SHROOM2: variants seen among roughly 807,000 people sequenced by gnomAD.
SHROOM2 encodes shroom family member 2, also known as protein Shroom2.
A neutral mutation model predicts 75.9 loss-of-function variants in SHROOM2; 33 were observed. That is an observed-to-expected ratio of 0.43 (90% CI 0.33 to 0.58). The LOEUF (loss-of-function observed/expected upper bound fraction) is 0.58, where lower values mean the gene tolerates loss of function less well. Among genes scored for constraint, SHROOM2 ranks in the 20% least tolerant of loss-of-function variants. The probability of loss-of-function intolerance (pLI) is 0.04; values close to 1 mark genes in which losing one functional copy is unlikely to be tolerated. For synonymous variants in SHROOM2, 655 were observed against 663.6 expected (o/e 0.99, Z 0.20); for missense variants, 1,434 against 1,461.2 (o/e 0.98, Z 0.30).
In SHROOM2 at chrX:9,944,928, G is replaced by A. The variant is rs775130789; in HGVS notation, c.4584+15G>A. 2.1e-5 allele frequency: 25 copies of A among 1,178,383 alleles called. No individual in the cohort carries two copies. The East Asian group carries it at 3.1e-4, about 15-fold the overall frequency. On this transcript the variant is annotated intron_variant, in intron 9 of 9. Transcript: ENST00000380913. Reference sequence around the variant, plus strand: ...CCGGTGATCGGGTAAATGCAGATACGTCTGACTTGGAAATGGGGGGTGGTC... The same window carrying A: ...CCGGTGATCGGGTAAATGCAGATACATCTGACTTGGAAATGGGGGGTGGTC...
At chrX:9,890,831 C>T (rs947747477) in intron 2 of SHROOM2, 146 bp from the exon 3 acceptor site, 11 of 529,436 alleles carry the variant, frequency 2.1e-5, no homozygotes, top group African/African-American at 1.2e-4. Flanking sequence ...AGCGCACGTG[C>T]GCTGTGTGCG....
intron 1 of SHROOM2, among the ~76,000 whole-genome samples, chrX:9,827,607 A>G (rs1433960797): frequency 1.8e-5 from 2 of 109,244 alleles, no homozygotes; most frequent in Non-Finnish European, 3.8e-5. Flanking sequence ...CAGGAAGGGA[A>G]AAGGTGTAGT....
chrX:9,939,691 A>T lies in SHROOM2; in HGVS notation c.4311+325A>T, dbSNP rs1225093610. Reference sequence around the variant, plus strand: ...GGTCTTGCTCTGTCGTGCAGGCTTGAGTGCAATGGTGCAATCATGGCCCAC... The same window carrying T: ...GGTCTTGCTCTGTCGTGCAGGCTTGTGTGCAATGGTGCAATCATGGCCCAC... On this transcript the variant is annotated intron_variant, in intron 8 of 9. Transcript: ENST00000380913. 3.6e-5 allele frequency among the ~76,000 whole-genome samples: 4 copies of T among 112,019 alleles called. No homozygotes were observed. The East Asian group carries it at 8.3e-4, about 23-fold the overall frequency.
chrX:9,940,040 A>T (rs1223987160), intron 8 of SHROOM2, among the ~76,000 whole-genome samples: 4 of 112,214 alleles, frequency 3.6e-5, no homozygotes, highest in Non-Finnish European at 7.5e-5. Context: ...GCAGCCTCCC[A>T]AAGTGCTGGG....
rs771965558 is a variant in SHROOM2, at chrX:9,854,073, A to G, written c.166-19579A>G. Among the ~76,000 whole-genome samples, 6 of 112,717 alleles carry G rather than the reference A, an allele frequency of 5.3e-5. No individual in the cohort carries two copies. The South Asian group carries it at 1.1e-3, about 20-fold the overall frequency. On this transcript the variant is annotated intron_variant, in intron 1 of 9. Coordinates refer to ENST00000380913, the MANE Select transcript of SHROOM2 (RefSeq NM_001649.4). ...GGATGTGGGTATTATGCTGCAAATC[A>G]CAAAGGACAGTTTCACTTTTTAACC...
At chrX:9,822,899 G>C (rs989568372) in intron 1 of SHROOM2, among the ~76,000 whole-genome samples, 4 of 111,928 alleles carry the variant, frequency 3.6e-5, no homozygotes, top group African/African-American at 1.3e-4. Context: ...ACTGGCAGCG[G>C]GGGTCTTCAA....
intron 6 of SHROOM2, among the ~76,000 whole-genome samples, chrX:9,933,887 C>A (rs2084674443): frequency 8.9e-6 from 1 of 112,309 alleles, no homozygotes; most frequent in African/African-American, 3.2e-5. Context: ...TTCTCTGGAG[C>A]AGTGGCTCTC....
Position 9,894,748 on chromosome X carries a change from C to T in SHROOM2, c.840C>T (p.Pro280=), listed in dbSNP as rs1378133350. 8.3e-7 allele frequency: 1 copy of T among 1,210,225 alleles called. No homozygotes were observed. The highest frequency in any genetic ancestry group is 1.7e-5 in the African/African-American group (1 of 57,482). Residue 280 remains proline (P), a synonymous_variant, in exon 4 of 10, where the codon CCC becomes CCT. Transcript: ENST00000380913. ...TCCCCGGTGACAGCGGCAAAGGCCC[C>T]AGGCCAGAGTACAATGCCGAGCCCA... ...PRVPGDSGKG[P]RPEYNAEPKL...
intron 1 of SHROOM2, among the ~76,000 whole-genome samples, chrX:9,820,565 A>G: frequency 9.0e-6 from 1 of 111,349 alleles, no homozygotes; most frequent in Admixed American, 9.5e-5. Flanking sequence ...AGTTCTCACC[A>G]TGTTGCCCAG....
At chrX:9,812,837 A>C (rs1460820725) in intron 1 of SHROOM2, among the ~76,000 whole-genome samples, 2 of 112,405 alleles carry the variant, frequency 1.8e-5, no homozygotes, top group Admixed American at 1.9e-4. Context: ...GGCCTTGTGG[A>C]CAGGAATGGA....
At chrX:9,849,452 G>C (rs762633255) in intron 1 of SHROOM2, among the ~76,000 whole-genome samples, 2 of 112,031 alleles carry the variant, frequency 1.8e-5, no homozygotes, top group African/African-American at 6.5e-5. Context: ...GCTTCCCTAT[G>C]GGGGTGCTGG....
chrX:9,937,696 G>A lies in SHROOM2; in HGVS notation c.4139+11G>A, dbSNP rs369243765. 457 of 1,148,474 alleles carry A rather than the reference G, an allele frequency of 4.0e-4. 3 individuals are homozygous for A. In the South Asian group the frequency reaches 8.7e-3, roughly 22 times the overall value. 94.6% of individuals were successfully genotyped at this position (1,148,474 alleles called of 1,213,427 possible). On this transcript the variant is annotated intron_variant, in intron 7 of 9. Transcript: ENST00000380913. ...AAGCACAGAGGAGAGGTGAGTAGGC[G>A]TGGCCTCCCAGCTTGGGCGTGACTC... is the stretch of plus-strand genomic sequence containing the variant.
At chrX:9,913,549 G>T (rs1381100039) in intron 5 of SHROOM2, among the ~76,000 whole-genome samples, 2 of 112,385 alleles carry the variant, frequency 1.8e-5, no homozygotes, top group Non-Finnish European at 3.8e-5. Context: ...GGAGGCTTTT[G>T]TGTGTGCAGA....
intron 1 of SHROOM2, among the ~76,000 whole-genome samples, chrX:9,861,946 C>T (rs5934706): frequency 1.8e-4 from 20 of 110,223 alleles, no homozygotes; most frequent in Non-Finnish European, 1.9e-4. Flanking sequence ...CAGCCAGGAT[C>T]TAGTTAGGAG....
At position 9,898,084 on chromosome X, in the gene SHROOM2, G is replaced by A. The variant is rs762395604; in HGVS notation, c.2791-106G>A. On this transcript the variant is annotated intron_variant, in intron 4 of 9. Coordinates refer to ENST00000380913, the MANE Select transcript of SHROOM2 (RefSeq NM_001649.4). ...AGTCATCTCAATGAAATGCTTTGTA[G>A]AACTGCCCTGGCAAGGCAAACCCAC... The A allele has an allele frequency of 2.1e-5, 13 of 632,681 alleles. No homozygotes were observed. In the African/African-American group the frequency reaches 2.9e-4, roughly 14 times the overall value. 52.1% of individuals were successfully genotyped at this position (632,681 alleles called of 1,213,427 possible).
At chrX:9,900,601 C>G (rs2084360579) in intron 5 of SHROOM2, among the ~76,000 whole-genome samples, 1 of 111,829 alleles carries the variant, frequency 8.9e-6, no homozygotes, top group South Asian at 3.7e-4. Flanking sequence ...ATAGAGATAA[C>G]ATTTTTTGTG....
At chrX:9,915,002 C>T (rs893981681) in intron 5 of SHROOM2, among the ~76,000 whole-genome samples, 7 of 112,066 alleles carry the variant, frequency 6.2e-5, no homozygotes, top group Admixed American at 4.7e-4. Flanking sequence ...TACAGAAACC[C>T]GTTAATCAGG....
At chrX:9,830,584 C>CTT (rs1166769024) in intron 1 of SHROOM2, among the ~76,000 whole-genome samples, 737 of 33,631 alleles carry the variant, frequency 0.022, 130 homozygotes, top group South Asian at 0.033. Context: ...CCCCTGGTTT[C>CTT]TTTTTTTTTT....
intron 5 of SHROOM2, among the ~76,000 whole-genome samples, chrX:9,927,910 A>C (rs867611635): frequency 3.9e-4 from 43 of 111,173 alleles, no homozygotes; most frequent in African/African-American, 1.4e-3. Context: ...AGGCAGGGGC[A>C]GTGCAAGGAG....
Sources: allele counts gnomAD v4.1 joint callset (sites outside exome capture counted in the v4.1 genomes callset), GRCh38; gene constraint gnomAD v4.1.1; transcripts MANE v1.5; gene names NCBI Gene and HGNC (gene_info 2026-07-23, HGNC 2026-07-21).